DNAH9: variants seen among roughly 807,000 people sequenced by gnomAD.
The protein encoded by DNAH9 is DNAH9 variant protein.
Under a neutral mutation model 471.6 loss-of-function variants are expected in DNAH9, and 345 were observed. That is an observed-to-expected ratio of 0.73 (90% CI 0.67 to 0.80). The LOEUF is 0.80. DNAH9 is among the 30% of genes least tolerant of loss of function. The pLI, the probability that DNAH9 is intolerant of heterozygous loss-of-function variation, is 0.00. For missense variants in DNAH9, 5,407 were observed against 5,609.2 expected (o/e 0.96, Z 1.15); for synonymous variants, 2,093 against 2,123.6 (o/e 0.99, Z 0.40).
In DNAH9 at chr17:11,683,408, G is replaced by A. The variant is rs550627418; in HGVS notation, c.3743+2519G>A. Among the ~76,000 whole-genome samples, 4 of 152,208 alleles carry A rather than the reference G, an allele frequency of 2.6e-5. No homozygotes were observed. The South Asian group carries it at 8.3e-4, about 32-fold the overall frequency. ...AGACTGGTCCCGAACTCCTGACCTC[G>A]TGATCCTCCCACCTTGGCCTCCCAA... On this transcript the variant is annotated intron_variant, in intron 19 of 68. Transcript: ENST00000262442.
chr17:11,749,836 TTATC>T (rs1477468603), intron 32 of DNAH9, among the ~76,000 whole-genome samples: 1 of 152,162 alleles, frequency 6.6e-6, no homozygotes, highest in Non-Finnish European at 1.5e-5. Context: ...ACTCACCTGT[TTATC>T]TAATCCTATA....
chr17:11,895,833 G>A (rs1234684663), intron 59 of DNAH9, among the ~76,000 whole-genome samples: 2 of 152,162 alleles, frequency 1.3e-5, no homozygotes, highest in Non-Finnish European at 2.9e-5. Context: ...TGATTCCCTC[G>A]ATATCCGTCC....
chr17:11,774,715 A>G (rs1319162251), intron 38 of DNAH9, among the ~76,000 whole-genome samples: 1 of 152,114 alleles, frequency 6.6e-6, no homozygotes, highest in African/African-American at 2.4e-5. Flanking sequence ...TTACTATTTT[A>G]ATCATTGTCT....
At chr17:11,653,089 G>C (rs931755340) in intron 14 of DNAH9, 87 bp downstream of exon 14, 1 of 1,377,964 alleles carries the variant, frequency 7.3e-7, no homozygotes, top group Non-Finnish European at 1.0e-6. Context: ...GATTAGGACA[G>C]TCAGTAAGTG....
At chr17:11,909,606 A>G (rs1242483589) in intron 61 of DNAH9, among the ~76,000 whole-genome samples, 1 of 152,094 alleles carries the variant, frequency 6.6e-6, no homozygotes. Context: ...CAGGAAATGT[A>G]AGGAATAAAA....
intron 45 of DNAH9, among the ~76,000 whole-genome samples, chr17:11,819,193 T>G (rs1299957245): frequency 6.6e-6 from 1 of 152,106 alleles, no homozygotes; most frequent in Non-Finnish European, 1.5e-5. Context: ...TTTATTTCCT[T>G]GCGAAACAAT....
At chr17:11,723,877 G>C (rs1036730651) in intron 27 of DNAH9, among the ~76,000 whole-genome samples, 1 of 151,982 alleles carries the variant, frequency 6.6e-6, no homozygotes, top group Non-Finnish European at 1.5e-5. Flanking sequence ...GTCTCACTGT[G>C]TTAGCCAGGA....
chr17:11,679,181 GT>G (rs1223852060), intron 17 of DNAH9, among the ~76,000 whole-genome samples: 1 of 152,128 alleles, frequency 6.6e-6, no homozygotes, highest in Non-Finnish European at 1.5e-5. Flanking sequence ...ACTTAAAAAT[GT>G]TTGTTTCTTC....
Position 11,690,270 on chromosome 17 carries a change from T to C in DNAH9, c.4448T>C (p.Val1483Ala), listed in dbSNP as rs771077974. 3.7e-6 allele frequency: 6 copies of C among 1,614,048 alleles called. No individual in the cohort carries two copies. The African/African-American group carries it at 8.0e-5, about 22-fold the overall frequency. Residue 1483 changes from valine to alanine, a missense_variant, in exon 20 of 69, where the codon GTG becomes GCG. By Grantham distance (64) the Val-to-Ala change is moderately conservative. Around this residue, in one of 3 missense-constraint regions of DNAH9, gnomAD observed 4,636 missense variants for 4,900.3 expected, o/e 0.95. Coordinates refer to ENST00000262442, the MANE Select transcript of DNAH9 (RefSeq NM_001372.4). ...EDNQVQLQNL[V>A]MSKYVAFFLE... The stretch of plus-strand genomic sequence containing the variant: ...AATCAAGTTCAACTTCAGAACCTGG[T>C]GATGTCCAAGTATGTTGCTTTCTTC...
intron 8 of DNAH9, among the ~76,000 whole-genome samples, chr17:11,635,588 A>G (rs536197588): frequency 4.2e-4 from 64 of 152,142 alleles, no homozygotes; most frequent in Non-Finnish European, 8.7e-4. Flanking sequence ...TCTGACTTCA[A>G]GTGCTAGGTG....
At chr17:11,796,629 T>C (rs1969251475) in intron 42 of DNAH9, among the ~76,000 whole-genome samples, 1 of 151,336 alleles carries the variant, frequency 6.6e-6, no homozygotes, top group Admixed American at 6.6e-5. Context: ...GTTACCTCTT[T>C]CCCAGGTAGG....
intron 61 of DNAH9, among the ~76,000 whole-genome samples, chr17:11,921,616 G>A (rs1043190116): frequency 2.0e-5 from 3 of 152,174 alleles, no homozygotes; most frequent in African/African-American, 7.2e-5. Flanking sequence ...AGCCATCTGA[G>A]AGCCTCACAG....
At chr17:11,796,675 G>T (rs900027377) in intron 42 of DNAH9, among the ~76,000 whole-genome samples, 17 of 152,178 alleles carry the variant, frequency 1.1e-4, no homozygotes, top group African/African-American at 3.9e-4. Context: ...AAAAACGACA[G>T]GTGCGGACAA....
intron 26 of DNAH9, 51 bp from the exon 27 acceptor site, chr17:11,719,283 A>G (rs1262100383): frequency 2.5e-6 from 4 of 1,581,728 alleles, no homozygotes; most frequent in Admixed American, 1.7e-5. Context: ...CCTTAGTCCT[A>G]TCTCACTGGG....
chr17:11,624,736 C>CCCTT (rs577103808), intron 6 of DNAH9, among the ~76,000 whole-genome samples: 14 of 151,724 alleles, frequency 9.2e-5, no homozygotes, highest in Non-Finnish European at 1.8e-4. Context: ...GTCCTTTTCT[C>CCCTT]CCTTCCTTCC....
intron 36 of DNAH9, among the ~76,000 whole-genome samples, chr17:11,764,299 A>G (rs1287999831): frequency 6.6e-6 from 1 of 152,176 alleles, no homozygotes; most frequent in African/African-American, 2.4e-5. Flanking sequence ...AAGATATTTT[A>G]TCTAGAAAGA....
chr17:11,747,667 A>G lies in DNAH9; in HGVS notation c.6511A>G (p.Met2171Val), dbSNP rs1287040713. 1 of 1,613,978 alleles carries G rather than the reference A, an allele frequency of 6.2e-7. No homozygotes were observed. Among genetic ancestry groups the G allele is most frequent in the Non-Finnish European group, 8.5e-7 (1 of 1,179,988 alleles). The part of the protein sequence containing the change: ...LRSLHKTYQI[M>V]KRRPVWTDLN... ...GTCCTTGCACAAGACCTATCAGATC[A>G]TGAAACGGCGCCCCGTCTGGACTGA... The change falls in exon 32 of 69, where the codon ATG becomes GTG. Residue 2171 changes from methionine (M) to valine (V), a missense_variant. Coordinates refer to ENST00000262442, the MANE Select transcript of DNAH9 (RefSeq NM_001372.4).
At chr17:11,832,264 C>T (rs138624626) in intron 48 of DNAH9, among the ~76,000 whole-genome samples, 2 of 152,264 alleles carry the variant, frequency 1.3e-5, no homozygotes, top group African/African-American at 4.8e-5. Flanking sequence ...AGCTCCTATT[C>T]ACAGTGCTGG....
At chr17:11,759,917 A>G (rs1383434586) in intron 35 of DNAH9, among the ~76,000 whole-genome samples, 5 of 152,032 alleles carry the variant, frequency 3.3e-5, no homozygotes, top group Non-Finnish European at 5.9e-5. Flanking sequence ...TGATCTCTTG[A>G]CCTTGTGATG....
Sources: gnomAD v4.1 joint callset for allele counts (sites outside exome capture counted in the v4.1 genomes callset) on GRCh38, gnomAD v4.1.1 for gene constraint, gnomAD v4.1.1 regional missense constraint, MANE v1.5 for transcripts, NCBI Gene and HGNC (gene_info 2026-07-23, HGNC 2026-07-21) for gene names.